Variants in RHBDL2 observed in about 807,000 individuals in gnomAD.
RHBDL2 encodes the protein rhomboid like 2.
In RHBDL2, 26 loss-of-function variants were observed where a neutral mutation model predicts 31.7. The observed-to-expected ratio is 0.82, with a 90% CI of 0.60 to 1.14. The LOEUF (loss-of-function observed/expected upper bound fraction) is 1.14. Ranked by LOEUF, RHBDL2 falls within the 50% of genes most tolerant of loss-of-function variation. The pLI is 0.00. For missense variants in RHBDL2, 336 were observed against 364.4 expected, an observed-to-expected ratio of 0.92 and a Z score of 0.63; for synonymous variants, 123 against 127.2, an observed-to-expected ratio of 0.97 and a Z score of 0.22.
intron 5 of RHBDL2, 26 bp from the exon 6 acceptor site, chr1:38,893,250 T>C: frequency 4.3e-6 from 5 of 1,159,014 alleles, no homozygotes; most frequent in Non-Finnish European, 6.4e-6. Context: ...ATAATAATTA[T>C]ATAAGCTATC....
chr1:38,904,494 T>C (rs1225451611), intron 4 of RHBDL2, among the ~76,000 whole-genome samples: 1 of 149,124 alleles, frequency 6.7e-6, no homozygotes, highest in African/African-American at 2.5e-5. Flanking sequence ...AAAAAAAAAT[T>C]ATTTGATATG....
At chr1:38,920,158 CAT>C (rs1401556218) in intron 1 of RHBDL2, among the ~76,000 whole-genome samples, 6 of 128,956 alleles carry the variant, frequency 4.7e-5, no homozygotes, top group Admixed American at 9.5e-5. Context: ...GCTTCCTTCA[CAT>C]GTTTTCTTTT....
rs1047547672 is a variant in RHBDL2, at chr1:38,926,292, C to T, written c.-125-6955G>A. 7 of 862,440 alleles carry T rather than the reference C, an allele frequency of 8.1e-6. No individual in the cohort carries two copies. The Admixed American group carries it at 3.4e-4, about 42-fold the overall frequency. The allele number at this position is 862,440 out of a possible 1,614,324, so 53.4% of individuals were successfully genotyped here. A position where few individuals can be genotyped will look rare whatever the true frequency, so the allele number is the denominator to read the frequency against. ...GGTCAGCATGGCATCCAGCATCCAA[C>T]GCCAGCTGTGGCTGTGACAAAGGCA... On this transcript the variant is annotated intron_variant, in intron 1 of 7. Transcript: ENST00000372990.
chr1:38,908,508 G>A (rs1361544357), intron 4 of RHBDL2, among the ~76,000 whole-genome samples: 7 of 92,796 alleles, frequency 7.5e-5, no homozygotes, highest in East Asian at 3.3e-4. Flanking sequence ...GTGAAACTCC[G>A]TCTCCAAAAA....
intron 1 of RHBDL2, among the ~76,000 whole-genome samples, chr1:38,935,773 T>G (rs949633282): frequency 2.0e-5 from 3 of 151,912 alleles, no homozygotes; most frequent in Admixed American, 6.6e-5. Context: ...CCACCACACC[T>G]GGCTAACTTT....
At chr1:38,933,648 C>T (rs1235022315) in intron 1 of RHBDL2, among the ~76,000 whole-genome samples, 1 of 152,126 alleles carries the variant, frequency 6.6e-6, no homozygotes, top group Non-Finnish European at 1.5e-5. Context: ...TTCCCCTCAC[C>T]TAACCAGAAA....
intron 4 of RHBDL2, among the ~76,000 whole-genome samples, chr1:38,906,815 T>C (rs1643072976): frequency 6.6e-6 from 1 of 152,174 alleles, no homozygotes; most frequent in African/African-American, 2.4e-5. Context: ...ACACTCAATA[T>C]AGAAAATATA....
At position 38,902,427 on chromosome 1, in the gene RHBDL2, T is replaced by A. The variant is rs1181150292; in HGVS notation, c.509-6358A>T. On this transcript the variant is annotated intron_variant, in intron 4 of 7. Coordinates refer to ENST00000372990, the MANE Select transcript of RHBDL2 (RefSeq NM_017821.5). Reference sequence around the variant, plus strand: ...TTATTTTTTTATTTTTTTTATTATTTTTTTTTTTTTGAGATGGAGTCTCGC... The same window carrying A: ...TTATTTTTTTATTTTTTTTATTATTATTTTTTTTTTGAGATGGAGTCTCGC... Among the ~76,000 whole-genome samples, 7 of 146,938 alleles carry A rather than the reference T, an allele frequency of 4.8e-5. No individual in the cohort carries two copies. The East Asian group carries it at 9.8e-4, about 20-fold the overall frequency.
intron 4 of RHBDL2, among the ~76,000 whole-genome samples, chr1:38,900,197 A>C (rs1163694789): frequency 1.3e-5 from 2 of 152,196 alleles, no homozygotes; most frequent in Non-Finnish European, 2.9e-5. Flanking sequence ...AGGCAGGTAG[A>C]TCACTTGAGG....
At chr1:38,911,468 G>A (rs764172858) in intron 3 of RHBDL2, 34 bp from the exon 4 acceptor site, 2 of 1,400,136 alleles carry the variant, frequency 1.4e-6, no homozygotes, top group Admixed American at 1.7e-5. Flanking sequence ...CAAATATTAT[G>A]ACTAAACCAA....
chr1:38,897,783 C>T (rs1436618475), intron 4 of RHBDL2, among the ~76,000 whole-genome samples: 1 of 152,144 alleles, frequency 6.6e-6, no homozygotes, highest in Non-Finnish European at 1.5e-5. Flanking sequence ...ACTTAGAGAA[C>T]TGGAAAAGCA....
At chr1:38,931,534 G>A (rs1014495483) in intron 1 of RHBDL2, among the ~76,000 whole-genome samples, 2 of 148,596 alleles carry the variant, frequency 1.3e-5, no homozygotes, top group Non-Finnish European at 1.5e-5. Flanking sequence ...AAAAAAAAAA[G>A]AAAAGAAAAA....
At chr1:38,886,829 G>A in intron 7 of RHBDL2, 146 bp from the exon 8 acceptor site, 1 of 487,570 alleles carries the variant, frequency 2.1e-6, no homozygotes, top group Non-Finnish European at 3.4e-6. Context: ...AGGCAAAAGA[G>A]ACACAAAACT....
intron 4 of RHBDL2, among the ~76,000 whole-genome samples, chr1:38,907,837 T>A (rs1643087993): frequency 6.6e-6 from 1 of 152,180 alleles, no homozygotes; most frequent in Non-Finnish European, 1.5e-5. Flanking sequence ...AGTGAAAGGT[T>A]TTTAAGACAT....
chr1:38,892,190 C>G (rs573374234), intron 6 of RHBDL2, among the ~76,000 whole-genome samples: 1 of 152,126 alleles, frequency 6.6e-6, no homozygotes, highest in African/African-American at 2.4e-5. Flanking sequence ...ACCTGCCCCC[C>G]GCTCCCCCAA....
chr1:38,926,765 G>A (rs150201323), intron 1 of RHBDL2: 432 of 152,448 alleles, frequency 2.8e-3, no homozygotes, highest in Non-Finnish European at 4.9e-3. Flanking sequence ...GCTTGAACCC[G>A]GGAGGTGGAG....
intron 3 of RHBDL2, among the ~76,000 whole-genome samples, chr1:38,912,910 A>ATATGTGTGTGTGTG (rs1399583863): frequency 1.0e-3 from 42 of 41,368 alleles, no homozygotes; most frequent in African/African-American, 3.6e-3. Flanking sequence ...ATATATATAT[A>ATATGTGTGTGTGTG]TGTGTGTGTG....
rs1052734312 is a variant in RHBDL2, at chr1:38,892,254, GT to G, written c.670+909del. On this transcript the variant is annotated intron_variant, in intron 6 of 7. Coordinates refer to ENST00000372990, the MANE Select transcript of RHBDL2 (RefSeq NM_017821.5). ...CTATCACTCAATACTTACTGGATCAGTTTTTTTTTTAATCTGAAAATTTAGA... is the reference window on the plus strand; with the variant it reads ...CTATCACTCAATACTTACTGGATCAGTTTTTTTTTAATCTGAAAATTTAGA... Among the ~76,000 whole-genome samples the G allele has an allele frequency of 3.6e-4, 54 of 149,224 alleles. 2 individuals are homozygous for G. Among genetic ancestry groups the G allele is most frequent in the Non-Finnish European group, 1.2e-4 (8 of 67,064 alleles).
chr1:38,924,557 G>T (rs1028878693), intron 1 of RHBDL2, among the ~76,000 whole-genome samples: 1 of 151,742 alleles, frequency 6.6e-6, no homozygotes, highest in Non-Finnish European at 1.5e-5. Flanking sequence ...TTGCGCCACT[G>T]CACTCCAGCC....
Sources: gnomAD v4.1 joint callset for allele counts (sites outside exome capture counted in the v4.1 genomes callset) on GRCh38, gnomAD v4.1.1 for gene constraint, MANE v1.5 for transcripts, NCBI Gene and HGNC (gene_info 2026-07-23, HGNC 2026-07-21) for gene names.